The following OSBPL6 variants were observed in gnomAD, a reference collection of about 807,000 sequenced individuals.
OSBPL6 encodes the protein oxysterol-binding protein-related protein 6.
A neutral mutation model predicts 125.8 loss-of-function variants in OSBPL6; 49 were observed. The observed-to-expected ratio is 0.39, with a 90% confidence interval of 0.31 to 0.49. The LOEUF (loss-of-function observed/expected upper bound fraction) is 0.49, where lower values mean the gene tolerates loss of function less well. Ranked by LOEUF, OSBPL6 falls within the 20% of genes least tolerant of loss-of-function variation. The pLI is 0.88. For synonymous variants in OSBPL6, 394 were observed against 391.8 expected (o/e 1.01, Z -0.07); for missense variants, 986 against 1,135.4 (o/e 0.87, Z 1.89).
chr2:178,326,340 A>G (rs1460311773), intron 4 of OSBPL6, among the ~76,000 whole-genome samples: 1 of 152,124 alleles, frequency 6.6e-6, no homozygotes, highest in East Asian at 1.9e-4. Flanking sequence ...GTTCTTATTT[A>G]TTGTTATTAG....
chr2:178,310,578 C>T (rs1006084504), intron 3 of OSBPL6, among the ~76,000 whole-genome samples: 9 of 151,922 alleles, frequency 5.9e-5, no homozygotes, highest in East Asian at 1.9e-4. Flanking sequence ...CCACCGCACC[C>T]GGCTAATTTT....
intron 12 of OSBPL6, among the ~76,000 whole-genome samples, chr2:178,357,036 A>G (rs1013787056): frequency 6.6e-6 from 1 of 152,236 alleles, no homozygotes; most frequent in Non-Finnish European, 1.5e-5. Context: ...GGCTAGCCAT[A>G]TGTAGAAAGC....
chr2:178,381,696 A>T (rs1372202030), intron 15 of OSBPL6, among the ~76,000 whole-genome samples: 1 of 152,174 alleles, frequency 6.6e-6, no homozygotes, highest in Non-Finnish European at 1.5e-5. Flanking sequence ...GCATCCTAGT[A>T]TCTGGCCTCC....
intron 11 of OSBPL6, among the ~76,000 whole-genome samples, chr2:178,341,701 C>T (rs1213415801): frequency 6.6e-6 from 1 of 152,098 alleles, no homozygotes; most frequent in African/African-American, 2.4e-5. Context: ...CAAGAAGAAA[C>T]AAATAGACAG....
chr2:178,342,921 G>A (rs1433785362), intron 11 of OSBPL6, among the ~76,000 whole-genome samples: 4 of 152,166 alleles, frequency 2.6e-5, no homozygotes, highest in African/African-American at 7.2e-5. Flanking sequence ...ACTGAAGGGT[G>A]AGAATAAGTT....
rs752006978 is a variant in OSBPL6, at chr2:178,395,691, T to C, written c.*132T>C. ...TACCATTTGCTTTTCTATTCATCTT[T>C]ATAATGGACTTTCAGAAGTGCATTA... is the stretch of plus-strand genomic sequence containing the variant. On this transcript the variant is annotated 3_prime_UTR_variant, in exon 25 of 25. Transcript: ENST00000190611. 1 of 680,308 alleles carries C rather than the reference T, an allele frequency of 1.5e-6. No individual in the cohort carries two copies. The highest frequency in any genetic ancestry group is 1.7e-5 in the South Asian group (1 of 60,276). 42.1% of individuals were successfully genotyped at this position (680,308 alleles called of 1,614,324 possible).
At chr2:178,282,969 A>G (rs1434500869) in intron 1 of OSBPL6, among the ~76,000 whole-genome samples, 1 of 152,160 alleles carries the variant, frequency 6.6e-6, no homozygotes, top group Non-Finnish European at 1.5e-5. Context: ...GGGAGTTTCT[A>G]TAGCTGACAA....
chr2:178,267,666 G>A (rs1247127526), intron 1 of OSBPL6, among the ~76,000 whole-genome samples: 5 of 152,136 alleles, frequency 3.3e-5, no homozygotes, highest in Admixed American at 1.3e-4. Flanking sequence ...TGATGTAACA[G>A]GTTAAATGTG....
intron 21 of OSBPL6, among the ~76,000 whole-genome samples, chr2:178,390,313 A>G (rs1695293391): frequency 6.6e-6 from 1 of 151,998 alleles, no homozygotes; most frequent in Non-Finnish European, 1.5e-5. Context: ...GGCCTTCCCT[A>G]CTTTCTTCCC....
At chr2:178,259,320 T>G (rs967154604) in intron 1 of OSBPL6, among the ~76,000 whole-genome samples, 22 of 152,180 alleles carry the variant, frequency 1.4e-4, no homozygotes, top group Admixed American at 1.4e-3. Flanking sequence ...GAGATTGTGC[T>G]GACTTTTTAA....
chr2:178,356,238 G>T (rs1179121578), intron 12 of OSBPL6, among the ~76,000 whole-genome samples: 1 of 152,082 alleles, frequency 6.6e-6, no homozygotes, highest in African/African-American at 2.4e-5. Context: ...TTCTGGCCAG[G>T]GCAATCAGGC....
chr2:178,387,288 C>T, intron 20 of OSBPL6, 149 bp downstream of exon 20: 1 of 591,394 alleles, frequency 1.7e-6, no homozygotes, highest in Non-Finnish European at 2.9e-6. Context: ...TAGACTCCCA[C>T]AAAAACAAAT....
chr2:178,317,630 T>C (rs1015742047), intron 3 of OSBPL6, among the ~76,000 whole-genome samples: 4 of 151,336 alleles, frequency 2.6e-5, no homozygotes, highest in African/African-American at 9.7e-5. Flanking sequence ...ATGAATATGA[T>C]ATATATATGA....
chr2:178,361,483 A>T (rs1692350738), intron 12 of OSBPL6, among the ~76,000 whole-genome samples, 199 bp from the exon 13 acceptor site: 1 of 152,186 alleles, frequency 6.6e-6, no homozygotes. Context: ...TTTCACTCTG[A>T]TCAATTGCCA....
At chr2:178,297,237 A>G (rs1685839451) in intron 2 of OSBPL6, among the ~76,000 whole-genome samples, 2 of 152,098 alleles carry the variant, frequency 1.3e-5, no homozygotes, top group Non-Finnish European at 2.9e-5. Flanking sequence ...ACTATTGAAC[A>G]GATAGGAAAC....
intron 3 of OSBPL6, among the ~76,000 whole-genome samples, chr2:178,318,616 C>T (rs538788343): frequency 3.9e-5 from 6 of 152,280 alleles, no homozygotes; most frequent in East Asian, 1.9e-4. Flanking sequence ...CAATCTATGC[C>T]GCCATCACTG....
intron 1 of OSBPL6, among the ~76,000 whole-genome samples, chr2:178,264,135 T>G (rs539913400): frequency 1.1e-4 from 17 of 152,208 alleles, no homozygotes; most frequent in Middle Eastern, 3.4e-3. Flanking sequence ...TTCAGTTATA[T>G]CACTCAGTTC....
rs766076792 is a variant in OSBPL6, at chr2:178,340,610, A to G, written c.987+846A>G. Reference sequence around the variant, plus strand: ...TCTCCATTATTCTCCTCCTAAATGCATATTATACATGGCCCTTATCCTGCA... The same window carrying G: ...TCTCCATTATTCTCCTCCTAAATGCGTATTATACATGGCCCTTATCCTGCA... On this transcript the variant is annotated intron_variant, in intron 11 of 24. Coordinates refer to ENST00000190611, the MANE Select transcript of OSBPL6 (RefSeq NM_032523.4). 3.9e-5 allele frequency among the ~76,000 whole-genome samples: 6 copies of G among 152,092 alleles called. No homozygotes were observed. The East Asian group carries it at 9.6e-4, about 24-fold the overall frequency.
intron 1 of OSBPL6, among the ~76,000 whole-genome samples, chr2:178,197,084 G>T (rs2088945910): frequency 6.9e-6 from 1 of 144,938 alleles, no homozygotes; most frequent in African/African-American, 2.6e-5. Flanking sequence ...GTTGTTTCCT[G>T]GGCACACGTG....
Sources: gnomAD v4.1 joint callset for allele counts (sites outside exome capture counted in the v4.1 genomes callset) on GRCh38, gnomAD v4.1.1 for gene constraint, MANE v1.5 for transcripts, NCBI Gene and HGNC (gene_info 2026-07-23, HGNC 2026-07-21) for gene names.